Variants in ZFP1 observed in about 807,000 individuals in gnomAD.
ZFP1 encodes the protein ZFP1 zinc finger protein.
Under a neutral mutation model 38.5 loss-of-function variants are expected in ZFP1, and 32 were observed. The observed-to-expected ratio is 0.83, with a 90% CI of 0.63 to 1.12. ZFP1 has a LOEUF of 1.12. Ranked by LOEUF, ZFP1 falls within the 50% of genes most tolerant of loss-of-function variation. The pLI is 0.00. For missense variants in ZFP1, 616 were observed against 480.8 expected (o/e 1.28, Z -2.63); for synonymous variants, 245 against 168.8 (o/e 1.45, Z -3.50).
chr16:75,165,196 T>A (rs72802318), intron 2 of ZFP1, among the ~76,000 whole-genome samples: 1 of 152,104 alleles, frequency 6.6e-6, no homozygotes, highest in East Asian at 1.9e-4. Context: ...CAAGTCGGTT[T>A]GTTTTAGCAG....
chr16:75,139,714 A>T, the ZFP1 span, among the ~76,000 whole-genome samples: 6 of 152,154 alleles, frequency 3.9e-5, no homozygotes, highest in African/African-American at 1.4e-4. Context: ...GCCTTGGACA[A>T]GCCAGGTGGT....
chr16:75,123,465 A>G, the ZFP1 span, among the ~76,000 whole-genome samples: 57,419 of 83,740 alleles, frequency 0.69, 16,964 homozygotes, highest in Admixed American at 0.73. Context: ...GTATATATAT[A>G]TATATATATA....
chr16:75,166,189 A>T (rs6564214), intron 2 of ZFP1, among the ~76,000 whole-genome samples: 1 of 152,122 alleles, frequency 6.6e-6, no homozygotes, highest in South Asian at 2.1e-4. Context: ...ACTGGTAACA[A>T]TGAATATCTA....
At chr16:75,165,406 TTTTTCTGAGACA>T (rs1471198721) in intron 2 of ZFP1, among the ~76,000 whole-genome samples, 1 of 152,164 alleles carries the variant, frequency 6.6e-6, no homozygotes, top group Non-Finnish European at 1.5e-5. Flanking sequence ...CCTCTGGGTT[TTTTTCTGAGACA>T]GAGTCTTGCT....
intron 2 of ZFP1, among the ~76,000 whole-genome samples, chr16:75,158,352 T>A (rs899259777): frequency 1.3e-5 from 2 of 151,314 alleles, no homozygotes; most frequent in Non-Finnish European, 2.9e-5. Context: ...TTTTTTTTAA[T>A]TTTTTTTATT....
intron 2 of ZFP1, among the ~76,000 whole-genome samples, chr16:75,154,922 C>A (rs946731752): frequency 6.6e-6 from 1 of 151,972 alleles, no homozygotes; most frequent in African/African-American, 2.4e-5. Flanking sequence ...CTCAGCCTCC[C>A]GAGTAGCTGG....
At chr16:75,146,068 G>A (rs139418428), upstream of ZFP1, among the ~76,000 whole-genome samples, 1 of 152,178 alleles carries the variant, frequency 6.6e-6, no homozygotes, top group Non-Finnish European at 1.5e-5. Flanking sequence ...CACAGTGGCT[G>A]AGTAAGCTAG....
At chr16:75,154,577 T>C in intron 2 of ZFP1, among the ~76,000 whole-genome samples, 1 of 146,018 alleles carries the variant, frequency 6.8e-6, no homozygotes, top group Admixed American at 6.8e-5. Flanking sequence ...ATGAGAGTTT[T>C]TTTTTTTTTT....
chr16:75,120,143 T>TGGTGTGTGTGTGTGTGCGCATGTGC, the ZFP1 span, among the ~76,000 whole-genome samples: 9 of 152,278 alleles, frequency 5.9e-5, no homozygotes, highest in South Asian at 2.1e-4. Context: ...TGTGTATGTG[T>TGGTGTGTGTGTGTGTGCGCATGTGC]GGTGTGTGTG....
chr16:75,141,497 G>A, the ZFP1 span, among the ~76,000 whole-genome samples: 18 of 151,676 alleles, frequency 1.2e-4, no homozygotes, highest in South Asian at 2.1e-4. Flanking sequence ...GAGCCACCGC[G>A]CCCAGCCCAA....
At chr16:75,159,614 C>T (rs1005131788) in intron 2 of ZFP1, among the ~76,000 whole-genome samples, 1 of 151,516 alleles carries the variant, frequency 6.6e-6, no homozygotes, top group Non-Finnish European at 1.5e-5. Context: ...GTATATTGCC[C>T]AAGCTGGTCT....
chr16:75,128,347 C>T, the ZFP1 span, among the ~76,000 whole-genome samples: 9 of 152,298 alleles, frequency 5.9e-5, no homozygotes, highest in Non-Finnish European at 8.8e-5. Context: ...TCTGGGACAA[C>T]GTTCCATCAA....
intron 2 of ZFP1, among the ~76,000 whole-genome samples, chr16:75,165,665 G>A (rs568162321): frequency 1.2e-4 from 18 of 152,174 alleles, no homozygotes; most frequent in African/African-American, 4.3e-4. Flanking sequence ...GGGATTACAG[G>A]CCTGAGCCTG....
chr16:75,124,809 T>A, the ZFP1 span, among the ~76,000 whole-genome samples: 34 of 103,078 alleles, frequency 3.3e-4, no homozygotes, highest in Middle Eastern at 7.0e-3. Flanking sequence ...AAAAGCAAGG[T>A]AAAAGGAACC....
the ZFP1 span, among the ~76,000 whole-genome samples, chr16:75,138,024 C>CTTTTTT: frequency 4.0e-3 from 262 of 64,978 alleles, 48 homozygotes; most frequent in African/African-American, 0.018. Context: ...CTCCCACTTC[C>CTTTTTT]TTTTTTTTTT....
chr16:75,132,156 G>A, the ZFP1 span, among the ~76,000 whole-genome samples: 2 of 151,994 alleles, frequency 1.3e-5, no homozygotes, highest in Non-Finnish European at 2.9e-5. Context: ...GGGAAGCCAA[G>A]GCGGGGAGAT....
At chr16:75,146,150 G>A (rs2036941328), upstream of ZFP1, among the ~76,000 whole-genome samples, 1 of 150,774 alleles carries the variant, frequency 6.6e-6, no homozygotes, top group Non-Finnish European at 1.5e-5. Context: ...ACACAATCCA[G>A]CAACCATGCT....
At chr16:75,144,633 C>G (rs576936924), upstream of ZFP1, among the ~76,000 whole-genome samples, 5 of 152,302 alleles carry the variant, frequency 3.3e-5, no homozygotes, top group South Asian at 8.3e-4. Flanking sequence ...TCCATCACCA[C>G]TTTCTCCTTC....
chr16:75,129,550 C>T, the ZFP1 span, among the ~76,000 whole-genome samples: 1 of 152,156 alleles, frequency 6.6e-6, no homozygotes, highest in Non-Finnish European at 1.5e-5. Flanking sequence ...ATAAGAACCT[C>T]AAAAGAATGC....
Sources: gnomAD v4.1 joint callset for allele counts (sites outside exome capture counted in the v4.1 genomes callset) on GRCh38, gnomAD v4.1.1 for gene constraint, MANE v1.5 for transcripts, NCBI Gene and HGNC (gene_info 2026-07-23, HGNC 2026-07-21) for gene names.